Variants in MALRD1 observed in about 807,000 individuals in gnomAD.
The protein encoded by MALRD1 is MAM and LDL receptor class A domain containing 1.
A neutral mutation model predicts 242.1 loss-of-function variants in MALRD1; 247 were observed. The observed-to-expected ratio is 1.02, with a 90% confidence interval of 0.92 to 1.13. MALRD1 has a LOEUF of 1.13. Ranked by LOEUF, MALRD1 falls within the 50% of genes most tolerant of loss-of-function variation. MALRD1 has a pLI of 0.00. For missense variants in MALRD1, 2,989 were observed against 2,533.1 expected (o/e 1.18, Z -3.86); for synonymous variants, 995 against 866.6 (o/e 1.15, Z -2.60).
intron 28 of MALRD1, among the ~76,000 whole-genome samples, chr10:19,444,903 T>G (rs1426506880): frequency 6.6e-6 from 1 of 152,224 alleles, no homozygotes; most frequent in Non-Finnish European, 1.5e-5. Flanking sequence ...CAGAGTATTT[T>G]CCAACTTGGT....
chr10:19,490,503 G>GGGT (rs1554783690), intron 29 of MALRD1, among the ~76,000 whole-genome samples: 1 of 37,556 alleles, frequency 2.7e-5, no homozygotes, highest in Non-Finnish European at 7.3e-5. Flanking sequence ...AAGCCAAGTG[G>GGGT]GGCGGGGGGG....
intron 31 of MALRD1, among the ~76,000 whole-genome samples, chr10:19,513,497 T>C (rs1833495766): frequency 6.6e-6 from 1 of 151,642 alleles, no homozygotes; most frequent in Non-Finnish European, 1.5e-5. Flanking sequence ...CTCAGCACTT[T>C]GGGAGGCCGA....
chr10:19,077,594 A>G (rs1055043297), intron 2 of MALRD1, among the ~76,000 whole-genome samples: 1 of 151,998 alleles, frequency 6.6e-6, no homozygotes, highest in Non-Finnish European at 1.5e-5. Context: ...ACAAGATGAT[A>G]TGGATACTTT....
At chr10:19,583,962 T>A (rs1336935284) in intron 33 of MALRD1, among the ~76,000 whole-genome samples, 3 of 152,170 alleles carry the variant, frequency 2.0e-5, no homozygotes, top group Non-Finnish European at 2.9e-5. Flanking sequence ...GGAGAGTGTG[T>A]GTGTCGAGGA....
chr10:19,601,572 C>A lies in MALRD1; in HGVS notation c.5944+6115C>A, dbSNP rs150511764. Among the ~76,000 whole-genome samples, 738 of 152,096 alleles carry A rather than the reference C, an allele frequency of 4.9e-3. 7 individuals are homozygous for A. Among genetic ancestry groups the A allele is most frequent in the Admixed American group, 8.7e-3 (132 of 15,260 alleles). On this transcript the variant is annotated intron_variant, in intron 34 of 39. Transcript: ENST00000454679. The stretch of plus-strand genomic sequence containing the variant: ...TCATAAAGCCAAAGTCAGTTTTTAA[C>A]TATCTAAACGGTTAACTTTCTAAGA...
chr10:19,585,964 A>G (rs1837371002), intron 33 of MALRD1, among the ~76,000 whole-genome samples: 9 of 151,788 alleles, frequency 5.9e-5, no homozygotes, highest in Admixed American at 5.9e-4. Context: ...TTCTCGCTTC[A>G]TTTCATTCAT....
At chr10:19,479,113 A>G (rs1215382794) in intron 29 of MALRD1, among the ~76,000 whole-genome samples, 1 of 152,210 alleles carries the variant, frequency 6.6e-6, no homozygotes, top group East Asian at 1.9e-4. Flanking sequence ...CACTCAAAAG[A>G]TATCTAGGTT....
At position 19,223,113 on chromosome 10, in the gene MALRD1, A is replaced by T. The variant is rs553889151; in HGVS notation, c.2991+13433A>T. ...TCTTTCTTAAAAGTGGCATATTGAC[A>T]ATTTTAGTTCATATACAAGCTTTTA... On this transcript the variant is annotated intron_variant, in intron 18 of 39. Coordinates refer to ENST00000454679, the MANE Select transcript of MALRD1 (RefSeq NM_001142308.3). Among the ~76,000 whole-genome samples the T allele has an allele frequency of 5.3e-5, 8 of 152,300 alleles. No individual in the cohort carries two copies. The South Asian group carries it at 1.7e-3, about 32-fold the overall frequency.
At chr10:19,492,538 A>G (rs1026148167) in intron 30 of MALRD1, among the ~76,000 whole-genome samples, 2 of 152,264 alleles carry the variant, frequency 1.3e-5, no homozygotes, top group Admixed American at 6.5e-5. Context: ...CTGTCTTACT[A>G]GAGATGGTGT....
chr10:19,406,881 A>C (rs1833049536), intron 28 of MALRD1, among the ~76,000 whole-genome samples: 1 of 152,152 alleles, frequency 6.6e-6, no homozygotes, highest in South Asian at 2.1e-4. Context: ...TGGAGTGCCA[A>C]CTTCTCCATA....
intron 24 of MALRD1, among the ~76,000 whole-genome samples, chr10:19,346,029 C>T (rs989024127): frequency 2.0e-5 from 3 of 152,048 alleles, no homozygotes; most frequent in African/African-American, 7.2e-5. Context: ...ATGTGATCCT[C>T]CCACCTTAGC....
intron 8 of MALRD1, among the ~76,000 whole-genome samples, chr10:19,133,040 G>C (rs1038047689): frequency 6.6e-6 from 1 of 152,134 alleles, no homozygotes; most frequent in African/African-American, 2.4e-5. Flanking sequence ...CCAGGTTCAA[G>C]TTATTCTCCT....
chr10:19,600,959 A>T (rs1464877659), intron 34 of MALRD1, among the ~76,000 whole-genome samples: 2 of 152,062 alleles, frequency 1.3e-5, no homozygotes, highest in Non-Finnish European at 2.9e-5. Context: ...GTTGTAAATC[A>T]CTGCAGCCTT....
chr10:19,493,985 C>T (rs11010171), intron 30 of MALRD1, among the ~76,000 whole-genome samples: 17,892 of 152,036 alleles, frequency 0.12, 3,130 homozygotes, highest in African/African-American at 0.39. Flanking sequence ...TGGACAAATT[C>T]AAGCCTGTAA....
At chr10:19,251,144 G>T (rs1205652231) in intron 18 of MALRD1, among the ~76,000 whole-genome samples, 1 of 151,844 alleles carries the variant, frequency 6.6e-6, no homozygotes, top group Non-Finnish European at 1.5e-5. Context: ...AACCATTCCA[G>T]TGTGCAGATA....
At chr10:19,634,312 A>C (rs1840034730) in intron 36 of MALRD1, among the ~76,000 whole-genome samples, 1 of 152,162 alleles carries the variant, frequency 6.6e-6, no homozygotes, top group African/African-American at 2.4e-5. Flanking sequence ...TCACCTACTT[A>C]GTCGATGATC....
At chr10:19,050,181 G>A (rs1266879509) in intron 1 of MALRD1, among the ~76,000 whole-genome samples, 4 of 145,032 alleles carry the variant, frequency 2.8e-5, no homozygotes, top group East Asian at 4.1e-4. Flanking sequence ...TCCGCCTCCC[G>A]GGTTCACGCC....
intron 22 of MALRD1, among the ~76,000 whole-genome samples, chr10:19,324,870 T>C (rs2130899402): frequency 6.6e-6 from 1 of 151,952 alleles, no homozygotes. Context: ...TTGCATCCTG[T>C]TAGTGATCCT....
intron 36 of MALRD1, among the ~76,000 whole-genome samples, chr10:19,668,602 T>C (rs954555385): frequency 3.9e-5 from 6 of 152,044 alleles, no homozygotes; most frequent in African/African-American, 1.4e-4. Flanking sequence ...CATAGAGAGC[T>C]GAAGAGAAAC....
Sources: allele counts gnomAD v4.1 joint callset (sites outside exome capture counted in the v4.1 genomes callset), GRCh38; gene constraint gnomAD v4.1.1; transcripts MANE v1.5; gene names NCBI Gene and HGNC (gene_info 2026-07-23, HGNC 2026-07-21).